Variants in PCBP3 observed in about 807,000 individuals in gnomAD.
PCBP3 encodes poly(rC) binding protein 3, also known as poly(rC)-binding protein 3.
Under a neutral mutation model 52.7 loss-of-function variants are expected in PCBP3, and 25 were observed. That is an observed-to-expected ratio of 0.47 (90% CI 0.35 to 0.66). The LOEUF (loss-of-function observed/expected upper bound fraction) is 0.66. Ranked by LOEUF, PCBP3 falls within the 30% of genes least tolerant of loss-of-function variation. The pLI is 0.01. For missense variants in PCBP3, 391 were observed against 490.3 expected, an observed-to-expected ratio of 0.80 and a Z score of 1.91; for synonymous variants, 162 against 183.0, an observed-to-expected ratio of 0.89 and a Z score of 0.93.
At chr21:45,813,537 G>T (rs2092741734) in intron 4 of PCBP3, among the ~76,000 whole-genome samples, 2 of 152,140 alleles carry the variant, frequency 1.3e-5, no homozygotes, top group South Asian at 4.1e-4. Flanking sequence ...TGCCTCCCAG[G>T]TTCAAGCGAT....
At chr21:45,892,315 C>T (rs989720529) in intron 5 of PCBP3, among the ~76,000 whole-genome samples, 1 of 152,206 alleles carries the variant, frequency 6.6e-6, no homozygotes, top group African/African-American at 2.4e-5. Context: ...CTACAAGGGT[C>T]ATGAACTAAG....
At chr21:45,858,829 CG>C (rs1368146515) in intron 5 of PCBP3, 1 of 152,188 alleles carries the variant, frequency 6.6e-6, no homozygotes, top group East Asian at 1.9e-4. Flanking sequence ...ATCATGGGGG[CG>C]GGTCTTTCCC....
At chr21:45,887,756 C>T (rs2148876663) in intron 5 of PCBP3, among the ~76,000 whole-genome samples, 1 of 152,336 alleles carries the variant, frequency 6.6e-6, no homozygotes, top group African/African-American at 2.4e-5. Flanking sequence ...GCATTTTAGG[C>T]TATTGGTGCA....
At chr21:45,652,357 A>G (rs1469508446) in intron 1 of PCBP3, among the ~76,000 whole-genome samples, 1 of 152,168 alleles carries the variant, frequency 6.6e-6, no homozygotes, top group Non-Finnish European at 1.5e-5. Flanking sequence ...AATCTTGATA[A>G]TTCTACTACC....
At chr21:45,931,331 C>T (rs2076146258) in intron 15 of PCBP3, among the ~76,000 whole-genome samples, 1 of 152,250 alleles carries the variant, frequency 6.6e-6, no homozygotes, top group African/African-American at 2.4e-5. Flanking sequence ...GAAGATGCCA[C>T]ACACGCACCA....
At chr21:45,794,336 A>G (rs1311622251) in intron 4 of PCBP3, among the ~76,000 whole-genome samples, 1 of 152,142 alleles carries the variant, frequency 6.6e-6, no homozygotes, top group Non-Finnish European at 1.5e-5. Context: ...TTATCGCTTG[A>G]GCCGAGGAGT....
intron 1 of PCBP3, among the ~76,000 whole-genome samples, chr21:45,644,102 T>C (rs1177738537): frequency 6.7e-6 from 1 of 149,612 alleles, no homozygotes; most frequent in African/African-American, 2.5e-5. Flanking sequence ...TCGCCAGGCC[T>C]GGCCCGCCCG....
chr21:45,759,745 T>G (rs1215885676), intron 4 of PCBP3: 2 of 152,208 alleles, frequency 1.3e-5, no homozygotes, highest in Non-Finnish European at 2.9e-5. Context: ...GTTAACAGTT[T>G]TCTAGGGTGT....
chr21:45,808,915 C>A (rs558601326), intron 4 of PCBP3, among the ~76,000 whole-genome samples: 2 of 152,172 alleles, frequency 1.3e-5, no homozygotes, highest in Non-Finnish European at 2.9e-5. Context: ...TGGAAATCAT[C>A]ATTCTCAGCA....
rs561920411 is a variant in PCBP3, at chr21:45,877,036, A to G, written c.11-19172A>G. On this transcript the variant is annotated intron_variant, in intron 5 of 17. Coordinates refer to ENST00000681687, the MANE Select transcript of PCBP3 (RefSeq NM_001384156.1). The stretch of plus-strand genomic sequence containing the variant: ...TGACCGCCCTTCTACACTCCAAGGC[A>G]TCTCTATGTTAATATCCAAACCTAT... Among the ~76,000 whole-genome samples, 6 of 152,378 alleles carry G rather than the reference A, an allele frequency of 3.9e-5. No homozygotes were observed. The South Asian group carries it at 8.3e-4, about 21-fold the overall frequency.
chr21:45,935,347 AC>A, intron 16 of PCBP3, 42 bp downstream of exon 16: 1 of 1,468,402 alleles, frequency 6.8e-7, no homozygotes, highest in Non-Finnish European at 9.5e-7. Context: ...GGGTAGAAAC[AC>A]CAGGCACAAG....
chr21:45,646,154 C>T (rs1201939614), intron 1 of PCBP3, among the ~76,000 whole-genome samples: 1 of 94,060 alleles, frequency 1.1e-5, no homozygotes, highest in Non-Finnish European at 2.3e-5. Flanking sequence ...TGTTTTGGGG[C>T]AGGGGGAGCT....
chr21:45,649,832 G>C (rs1324018012), intron 1 of PCBP3, among the ~76,000 whole-genome samples: 1 of 151,896 alleles, frequency 6.6e-6, no homozygotes, highest in Non-Finnish European at 1.5e-5. Flanking sequence ...GGTTAAGGAT[G>C]ATCACTTTAC....
intron 5 of PCBP3, among the ~76,000 whole-genome samples, chr21:45,895,556 T>C (rs2095802280): frequency 6.6e-6 from 1 of 152,242 alleles, no homozygotes; most frequent in Admixed American, 6.5e-5. Context: ...AAATGAGGCC[T>C]TAATTTTGCC....
intron 4 of PCBP3, chr21:45,762,067 T>C (rs1429084585): frequency 6.6e-6 from 1 of 152,272 alleles, no homozygotes; most frequent in Non-Finnish European, 1.5e-5. Flanking sequence ...GTGTAACCAA[T>C]GCAAAACTGA....
chr21:45,816,154 G>A (rs990098846), intron 4 of PCBP3, among the ~76,000 whole-genome samples: 15 of 149,714 alleles, frequency 1.0e-4, no homozygotes, highest in Non-Finnish European at 1.9e-4. Flanking sequence ...AGTGATGAGT[G>A]AATCTGAAGG....
At chr21:45,780,665 C>T (rs777773050) in intron 4 of PCBP3, among the ~76,000 whole-genome samples, 1 of 152,040 alleles carries the variant, frequency 6.6e-6, no homozygotes, top group Non-Finnish European at 1.5e-5. Context: ...GACAGCACAG[C>T]AGAGCATGAA....
rs74664569 is a variant in PCBP3 at position 45,700,906 on chromosome 21, T to G, written c.-200+31954T>G. Among the ~76,000 whole-genome samples the G allele has an allele frequency of 4.2e-3, 642 of 152,132 alleles. 8 individuals carry two copies. Among genetic ancestry groups the G allele is most frequent in the African/African-American group, 0.015 (616 of 41,492 alleles). On this transcript the variant is annotated intron_variant, in intron 2 of 17. Transcript: ENST00000681687. ...GCTTGTCCTACCAACATTTTCTCCC[T>G]CCTAAAGTACTGAAAAAAACCCTTA...
At chr21:45,728,509 A>G (rs888355423) in intron 2 of PCBP3, among the ~76,000 whole-genome samples, 1 of 152,162 alleles carries the variant, frequency 6.6e-6, no homozygotes, top group Non-Finnish European at 1.5e-5. Flanking sequence ...TGGCATCTAT[A>G]TTTCTGAGGA....
Sources: gnomAD v4.1 joint callset for allele counts (sites outside exome capture counted in the v4.1 genomes callset) on GRCh38, gnomAD v4.1.1 for gene constraint, MANE v1.5 for transcripts, NCBI Gene and HGNC (gene_info 2026-07-23, HGNC 2026-07-21) for gene names.